SLC24A3: variants seen among roughly 807,000 people sequenced by gnomAD.
SLC24A3 encodes solute carrier family 24 member 3, also known as sodium/potassium/calcium exchanger 3.
SLC24A3 carries 28 observed loss-of-function variants against 75.8 expected under a neutral mutation model. The observed-to-expected ratio is 0.37, with a 90% CI of 0.27 to 0.51. SLC24A3 has a LOEUF of 0.51. Ranked by LOEUF, SLC24A3 falls within the 20% of genes least tolerant of loss-of-function variation. SLC24A3 has a pLI of 0.94. For synonymous variants in SLC24A3, 372 were observed against 334.1 expected (o/e 1.11, Z -1.24); for missense variants, 663 against 847.8 (o/e 0.78, Z 2.71).
At chr20:19,281,142 G>A in intron 2 of SLC24A3, 55 bp downstream of exon 2, 1 of 1,597,696 alleles carries the variant, frequency 6.3e-7, no homozygotes. Context: ...GGCTATGGCT[G>A]AGGAAGAGCC....
At chr20:19,346,024 AC>A (rs932379444) in intron 2 of SLC24A3, among the ~76,000 whole-genome samples, 2 of 133,938 alleles carry the variant, frequency 1.5e-5, no homozygotes, top group Non-Finnish European at 3.1e-5. Flanking sequence ...AAAAATATGC[AC>A]CCAGCCCAAA....
chr20:19,687,273 T>G (rs1332523765), intron 12 of SLC24A3, among the ~76,000 whole-genome samples: 1 of 152,134 alleles, frequency 6.6e-6, no homozygotes, highest in African/African-American at 2.4e-5. Flanking sequence ...ACAGAGCCCC[T>G]CCACCTTCAC....
chr20:19,640,168 G>T (rs1320196239), intron 6 of SLC24A3, among the ~76,000 whole-genome samples: 1 of 152,264 alleles, frequency 6.6e-6, no homozygotes, highest in Non-Finnish European at 1.5e-5. Context: ...AGCGAGGGCT[G>T]TGAGGACTGC....
chr20:19,502,959 G>A (rs1460044394), intron 2 of SLC24A3, among the ~76,000 whole-genome samples: 2 of 150,610 alleles, frequency 1.3e-5, no homozygotes, highest in African/African-American at 4.9e-5. Context: ...CCCAGGAGTT[G>A]GAGGCTGCAG....
In SLC24A3 at chr20:19,367,038, A is replaced by G. The variant is rs550051151; in HGVS notation, c.271+85951A>G. Among the ~76,000 whole-genome samples, 81 of 152,358 alleles carry G rather than the reference A, an allele frequency of 5.3e-4. 1 individual carries two copies. Among genetic ancestry groups the G allele is most frequent in the Admixed American group, 1.0e-3 (16 of 15,298 alleles). Reference sequence around the variant, plus strand: ...TGATGGCGGAAATATTCTCTGTCCTATTGGTACAACAGCCACTTGCCAATG... The same window carrying G: ...TGATGGCGGAAATATTCTCTGTCCTGTTGGTACAACAGCCACTTGCCAATG... On this transcript the variant is annotated intron_variant, in intron 2 of 16. Transcript: ENST00000328041.
intron 6 of SLC24A3, among the ~76,000 whole-genome samples, chr20:19,637,827 C>T (rs2032019432): frequency 6.6e-6 from 1 of 152,006 alleles, no homozygotes; most frequent in African/African-American, 2.4e-5. Flanking sequence ...GAGATACTCC[C>T]GAAAGCTAAT....
intron 6 of SLC24A3, among the ~76,000 whole-genome samples, chr20:19,652,115 A>T (rs1308942945): frequency 1.3e-5 from 2 of 152,182 alleles, no homozygotes; most frequent in Non-Finnish European, 2.9e-5. Context: ...AACTTTTAGA[A>T]CATTCCCAAT....
rs1984136709 is a variant in SLC24A3 at position 19,299,190 on chromosome 20, G to GTGTGTA, written c.271+18108_271+18109insATGTGT. ...GTTCTTCCCCTTCGTGTGTGTGTGTGTGTGTGTATGTGTGTGTGTGTGTGT... is the reference window on the plus strand; with the variant it reads ...GTTCTTCCCCTTCGTGTGTGTGTGTGTGTGTATGTGTGTATGTGTGTGTGTGTGTGT... On this transcript the variant is annotated intron_variant, in intron 2 of 16. Transcript: ENST00000328041. Among the ~76,000 whole-genome samples the GTGTGTA allele has an allele frequency of 6.0e-5, 8 of 134,224 alleles. No homozygotes were observed. In the South Asian group the frequency reaches 1.5e-3, roughly 25 times the overall value. The allele number at this position is 134,224 out of a possible 152,430, so 88.1% of individuals were successfully genotyped here. A position where few individuals can be genotyped will look rare whatever the true frequency, so the allele number is the denominator to read the frequency against.
At chr20:19,463,000 A>G (rs1987703645) in intron 2 of SLC24A3, among the ~76,000 whole-genome samples, 1 of 151,952 alleles carries the variant, frequency 6.6e-6, no homozygotes, top group African/African-American at 2.4e-5. Flanking sequence ...TCCACCTCCT[A>G]TCTCTTCACT....
intron 15 of SLC24A3, among the ~76,000 whole-genome samples, chr20:19,706,815 G>A (rs73903708): frequency 6.6e-6 from 1 of 152,188 alleles, no homozygotes; most frequent in Non-Finnish European, 1.5e-5. Context: ...GTTCAGCTAC[G>A]GGGCATTTGC....
At chr20:19,570,484 A>C (rs977445845) in intron 3 of SLC24A3, among the ~76,000 whole-genome samples, 2 of 152,160 alleles carry the variant, frequency 1.3e-5, no homozygotes, top group Non-Finnish European at 2.9e-5. Flanking sequence ...TTAGAAATGG[A>C]GATCCCTGGG....
At chr20:19,553,999 T>C (rs1295590913) in intron 3 of SLC24A3, among the ~76,000 whole-genome samples, 2 of 152,148 alleles carry the variant, frequency 1.3e-5, no homozygotes, top group Non-Finnish European at 2.9e-5. Flanking sequence ...TCTAAGGCAC[T>C]GAATGCAAAC....
intron 2 of SLC24A3, among the ~76,000 whole-genome samples, chr20:19,341,739 CCTT>C (rs1317778429): frequency 6.6e-6 from 1 of 152,178 alleles, no homozygotes; most frequent in African/African-American, 2.4e-5. Flanking sequence ...CAGAATACAG[CCTT>C]TTTGATATCC....
chr20:19,494,655 C>A (rs1396889769), intron 2 of SLC24A3, among the ~76,000 whole-genome samples: 1 of 152,084 alleles, frequency 6.6e-6, no homozygotes, highest in Admixed American at 6.5e-5. Context: ...CCAGGGTGCA[C>A]AGCCTGGACT....
rs1275543482 is a variant in SLC24A3 at position 19,684,228 on chromosome 20, C to T, written c.954C>T (p.Ala318=). The change falls in exon 11 of 17, where the codon GCC becomes GCT. Residue 318 remains alanine, a synonymous_variant. Coordinates refer to ENST00000328041, the MANE Select transcript of SLC24A3 (RefSeq NM_020689.4). The part of the protein sequence containing the change: ...SVIMVDELLS[A]YPHQLSFSEA... ...TCATGGTAGACGAGCTGCTGTCAGC[C>T]TACCCACACCAGCTTTCCTTCTCTG... is the stretch of plus-strand genomic sequence containing the variant. The T allele has an allele frequency of 2.5e-6, 4 of 1,614,154 alleles. No homozygotes were observed. The highest frequency in any genetic ancestry group is 3.4e-6 in the Non-Finnish European group (4 of 1,180,028).
intron 2 of SLC24A3, among the ~76,000 whole-genome samples, chr20:19,444,115 T>C (rs1280202745): frequency 6.6e-6 from 1 of 152,212 alleles, no homozygotes; most frequent in Non-Finnish European, 1.5e-5. Flanking sequence ...TTCTTTACCC[T>C]ATGGATGTGA....
intron 2 of SLC24A3, among the ~76,000 whole-genome samples, chr20:19,307,393 G>C (rs1984357257): frequency 6.6e-6 from 1 of 152,176 alleles, no homozygotes. Context: ...TATCTGTTAA[G>C]AGTGATCTTT....
At chr20:19,573,693 G>C (rs950327485) in intron 3 of SLC24A3, among the ~76,000 whole-genome samples, 2 of 152,192 alleles carry the variant, frequency 1.3e-5, no homozygotes, top group African/African-American at 2.4e-5. Context: ...ATAAATGGCT[G>C]CTGCCATTCC....
chr20:19,534,574 C>A (rs1310206722), intron 3 of SLC24A3, among the ~76,000 whole-genome samples: 1 of 152,138 alleles, frequency 6.6e-6, no homozygotes, highest in Non-Finnish European at 1.5e-5. Context: ...CCACGCCTGG[C>A]TAATTTGTTC....
Sources: allele counts gnomAD v4.1 joint callset (sites outside exome capture counted in the v4.1 genomes callset), GRCh38; gene constraint gnomAD v4.1.1; transcripts MANE v1.5; gene names NCBI Gene and HGNC (gene_info 2026-07-23, HGNC 2026-07-21).